The following MMP16 variants were observed in gnomAD, a reference collection of about 807,000 sequenced individuals.
MMP16 encodes the protein matrix metalloproteinase-16.
In MMP16, 12 loss-of-function variants were observed where a neutral mutation model predicts 67.8. That is an observed-to-expected ratio of 0.18 (90% CI 0.11 to 0.29). MMP16 has a LOEUF of 0.29. Among genes scored for constraint, MMP16 ranks in the 10% least tolerant of loss-of-function variants. The pLI is 1.00. For synonymous variants in MMP16, 249 were observed against 255.9 expected, an observed-to-expected ratio of 0.97 and a Z score of 0.26; for missense variants, 475 against 765.7, an observed-to-expected ratio of 0.62 and a Z score of 4.48.
intron 1 of MMP16, among the ~76,000 whole-genome samples, chr8:88,225,643 G>A (rs919889983): frequency 6.6e-6 from 1 of 151,614 alleles, no homozygotes; most frequent in African/African-American, 2.4e-5. Flanking sequence ...ATTGACCCAT[G>A]CACACACCTA....
chr8:88,289,832 T>G (rs561485451), intron 1 of MMP16, among the ~76,000 whole-genome samples: 1 of 152,030 alleles, frequency 6.6e-6, no homozygotes, highest in South Asian at 2.1e-4. Flanking sequence ...AAGTGTTAGG[T>G]AACTTTCCTG....
chr8:88,323,549 T>C (rs1811492205), intron 1 of MMP16, among the ~76,000 whole-genome samples: 1 of 152,174 alleles, frequency 6.6e-6, no homozygotes, highest in Admixed American at 6.5e-5. Flanking sequence ...AGAGTAATCA[T>C]TTTATGCTTT....
chr8:88,091,871 C>A (rs1808943724), intron 6 of MMP16, among the ~76,000 whole-genome samples: 1 of 151,850 alleles, frequency 6.6e-6, no homozygotes, highest in African/African-American at 2.4e-5. Flanking sequence ...AGCCTTTTGA[C>A]TTGTGGCTAT....
At chr8:88,136,546 C>T (rs1808122174) in intron 4 of MMP16, among the ~76,000 whole-genome samples, 1 of 151,200 alleles carries the variant, frequency 6.6e-6, no homozygotes, top group South Asian at 2.1e-4. Flanking sequence ...TGCTACATCC[C>T]CAAAGGAACG....
intron 1 of MMP16, among the ~76,000 whole-genome samples, chr8:88,236,929 T>A (rs911908800): frequency 2.0e-5 from 3 of 152,232 alleles, no homozygotes; most frequent in Middle Eastern, 6.8e-3. Context: ...TTAGTATTAG[T>A]AGTAATAAAA....
chr8:88,110,695 C>T (rs62525942), intron 6 of MMP16, among the ~76,000 whole-genome samples: 1 of 151,612 alleles, frequency 6.6e-6, no homozygotes, highest in South Asian at 2.1e-4. Context: ...ATTCCATTGA[C>T]TAAAGTGATA....
At chr8:88,154,493 T>A (rs1255738654) in intron 4 of MMP16, among the ~76,000 whole-genome samples, 1 of 149,530 alleles carries the variant, frequency 6.7e-6, no homozygotes, top group Non-Finnish European at 1.5e-5. Flanking sequence ...ATAGACTGGA[T>A]TAAGAAAATG....
chr8:88,160,071 T>G (rs1047447876), intron 4 of MMP16, among the ~76,000 whole-genome samples: 2 of 151,896 alleles, frequency 1.3e-5, no homozygotes, highest in Non-Finnish European at 2.9e-5. Flanking sequence ...GCTGCACTCA[T>G]TAACTCGTCA....
At chr8:88,044,686 T>C (rs1465730578) in intron 9 of MMP16, among the ~76,000 whole-genome samples, 2 of 152,190 alleles carry the variant, frequency 1.3e-5, no homozygotes, top group African/African-American at 4.8e-5. Flanking sequence ...TTGTCTATTG[T>C]TTCATCCTAA....
intron 1 of MMP16, among the ~76,000 whole-genome samples, chr8:88,248,248 T>C (rs770357782): frequency 3.3e-5 from 5 of 152,064 alleles, no homozygotes; most frequent in African/African-American, 1.2e-4. Flanking sequence ...AGTAAGCATA[T>C]TGAATATCAT....
chr8:88,069,521 C>T (rs1444852870), intron 7 of MMP16: 3 of 525,348 alleles, frequency 5.7e-6, no homozygotes, highest in Non-Finnish European at 1.2e-5. Context: ...TGTCTCCCTT[C>T]ACTGCAAAGG....
chr8:88,211,426 A>T (rs1461331493), intron 1 of MMP16, among the ~76,000 whole-genome samples: 1 of 152,116 alleles, frequency 6.6e-6, no homozygotes, highest in East Asian at 1.9e-4. Context: ...AAAGTAAGGT[A>T]TTTGTTATCA....
Position 88,229,868 on chromosome 8 carries a change from C to T in MMP16, c.133-32562G>A, listed in dbSNP as rs376689398. Among the ~76,000 whole-genome samples, 28 of 152,122 alleles carry T rather than the reference C, an allele frequency of 1.8e-4. No individual in the cohort carries two copies. The East Asian group carries it at 2.5e-3, about 14-fold the overall frequency. ...GCTGTATTTAAAGAATATTGAGACA[C>T]GGGATGGAGAAAATGGAAAATTTAG... On this transcript the variant is annotated intron_variant, in intron 1 of 9. Transcript: ENST00000286614.
chr8:88,286,004 A>C (rs1382482713), intron 1 of MMP16, among the ~76,000 whole-genome samples: 2 of 152,128 alleles, frequency 1.3e-5, no homozygotes, highest in Admixed American at 6.6e-5. Context: ...AACCCACTCC[A>C]TTTGGGTTGA....
chr8:88,185,291 T>A (rs1487896854), intron 3 of MMP16, among the ~76,000 whole-genome samples: 1 of 151,854 alleles, frequency 6.6e-6, no homozygotes, highest in Non-Finnish European at 1.5e-5. Context: ...AAATCCTGTG[T>A]CTACAAAAAA....
chr8:88,098,282 G>T (rs1202314570), intron 6 of MMP16, among the ~76,000 whole-genome samples: 4 of 151,994 alleles, frequency 2.6e-5, no homozygotes, highest in Admixed American at 2.6e-4. Flanking sequence ...CCAACTATGG[G>T]TGCTCATCTG....
chr8:88,269,675 C>G (rs1488086812), intron 1 of MMP16, among the ~76,000 whole-genome samples: 3 of 152,064 alleles, frequency 2.0e-5, no homozygotes, highest in Admixed American at 1.3e-4. Flanking sequence ...TAATCAATGA[C>G]CCAATAACTG....
intron 1 of MMP16, among the ~76,000 whole-genome samples, chr8:88,272,377 T>C (rs1322337067): frequency 1.3e-5 from 2 of 152,196 alleles, no homozygotes; most frequent in African/African-American, 2.4e-5. Context: ...AGCTTAGTGC[T>C]TGAACATATG....
intron 1 of MMP16, among the ~76,000 whole-genome samples, chr8:88,292,408 T>C (rs28986499): frequency 0.05 from 7,634 of 152,262 alleles, 193 homozygotes; most frequent in Non-Finnish European, 0.061. Flanking sequence ...GATGTCCATA[T>C]ACTTAACCCG....
Sources: allele counts gnomAD v4.1 joint callset (sites outside exome capture counted in the v4.1 genomes callset), GRCh38; gene constraint gnomAD v4.1.1; transcripts MANE v1.5; gene names NCBI Gene and HGNC (gene_info 2026-07-23, HGNC 2026-07-21).